CSMD1: variants seen among roughly 807,000 people sequenced by gnomAD.
The protein encoded by CSMD1 is CUB and Sushi multiple domains 1.
CSMD1 carries 213 observed loss-of-function variants against 417.5 expected under a neutral mutation model. That is an observed-to-expected ratio of 0.51 (90% CI 0.46 to 0.57). The LOEUF is 0.57. Ranked by LOEUF, CSMD1 falls within the 20% of genes least tolerant of loss-of-function variation. The probability of loss-of-function intolerance (pLI) is 0.00; values close to 1 mark genes in which losing one functional copy is unlikely to be tolerated. For synonymous variants in CSMD1, 2,862 were observed against 1,736.8 expected (o/e 1.65, Z -16.11); for missense variants, 6,923 against 4,529.7 (o/e 1.53, Z -15.17).
At chr8:3,170,743 A>G (rs1364834378) in intron 37 of CSMD1, among the ~76,000 whole-genome samples, 2 of 152,356 alleles carry the variant, frequency 1.3e-5, no homozygotes, top group East Asian at 1.9e-4. Context: ...TTCACACTTT[A>G]AAATAGTGAA....
chr8:3,142,542 C>T lies in CSMD1; in HGVS notation c.6164G>A (p.Ser2055Asn). The change falls in exon 41 of 70, where the codon AGC becomes AAC. Residue 2055 changes from serine to asparagine, a missense_variant. Transcript: ENST00000635120. ...GTGGATGAGGGTTTCATGCGTTGTG[C>T]TCAGCAGGGCCGCGGGGAGATCCGT... Reference protein sequence around the residue: ...SGTDLPAALLSTTHETLIHFY... With the variant: ...SGTDLPAALLNTTHETLIHFY... 6.2e-7 allele frequency: 1 copy of T among 1,613,952 alleles called. No homozygotes were observed. The highest frequency in any genetic ancestry group is 8.5e-7 in the Non-Finnish European group (1 of 1,179,898).
intron 3 of CSMD1, among the ~76,000 whole-genome samples, chr8:4,373,637 A>G (rs1802536017): frequency 6.6e-6 from 1 of 152,168 alleles, no homozygotes; most frequent in Non-Finnish European, 1.5e-5. Flanking sequence ...TTTCTTTTCT[A>G]AAAATATTAT....
At chr8:3,631,518 T>C (rs1302165910) in intron 7 of CSMD1, among the ~76,000 whole-genome samples, 1 of 152,128 alleles carries the variant, frequency 6.6e-6, no homozygotes, top group Non-Finnish European at 1.5e-5. Context: ...CTTAGGGGAT[T>C]CCAGATAGGA....
At chr8:4,922,066 C>T (rs920955286) in intron 1 of CSMD1, among the ~76,000 whole-genome samples, 1 of 152,180 alleles carries the variant, frequency 6.6e-6, no homozygotes, top group Non-Finnish European at 1.5e-5. Flanking sequence ...TTCACTTGTA[C>T]CCAGAGCACC....
At chr8:4,786,044 C>T (rs1051916392) in intron 1 of CSMD1, among the ~76,000 whole-genome samples, 4 of 152,142 alleles carry the variant, frequency 2.6e-5, no homozygotes, top group African/African-American at 7.2e-5. Flanking sequence ...GAATAGCCAA[C>T]ATTTGTACAT....
intron 2 of CSMD1, among the ~76,000 whole-genome samples, chr8:4,637,072 C>A (rs139208865): frequency 6.6e-6 from 1 of 152,110 alleles, no homozygotes; most frequent in Non-Finnish European, 1.5e-5. Flanking sequence ...AGCAGCCCAA[C>A]GGGTTGGTCT....
chr8:3,461,899 A>C (rs1816528907), intron 12 of CSMD1, among the ~76,000 whole-genome samples: 1 of 152,238 alleles, frequency 6.6e-6, no homozygotes, highest in South Asian at 2.1e-4. Flanking sequence ...CCTGCTGCAG[A>C]AGCCAACTAG....
chr8:4,771,082 T>C (rs1036658044), intron 1 of CSMD1, among the ~76,000 whole-genome samples: 2 of 152,192 alleles, frequency 1.3e-5, no homozygotes, highest in East Asian at 3.8e-4. Context: ...ATATTCAAGA[T>C]TTGTAAATAA....
intron 12 of CSMD1, among the ~76,000 whole-genome samples, chr8:3,426,752 T>G (rs1339198741): frequency 2.6e-5 from 4 of 152,238 alleles, no homozygotes; most frequent in Admixed American, 6.5e-5. Flanking sequence ...AGGCCTGACA[T>G]AAACTAATTG....
At chr8:3,010,174 G>A (rs1185962869) in intron 52 of CSMD1, among the ~76,000 whole-genome samples, 1 of 152,136 alleles carries the variant, frequency 6.6e-6, no homozygotes, top group African/African-American at 2.4e-5. Flanking sequence ...CATACAGGAG[G>A]CAAAGATCTC....
At chr8:4,314,735 T>G (rs1798822362) in intron 3 of CSMD1, among the ~76,000 whole-genome samples, 1 of 152,230 alleles carries the variant, frequency 6.6e-6, no homozygotes, top group Non-Finnish European at 1.5e-5. Context: ...TCCTGTTTTC[T>G]CATTTACACA....
intron 11 of CSMD1, among the ~76,000 whole-genome samples, chr8:3,482,807 G>C (rs527335835): frequency 6.6e-6 from 1 of 152,140 alleles, no homozygotes; most frequent in South Asian, 2.1e-4. Flanking sequence ...AATCAAACTA[G>C]AAATCAGTTA....
chr8:4,232,815 T>G (rs1473105249), intron 3 of CSMD1, among the ~76,000 whole-genome samples: 1 of 152,192 alleles, frequency 6.6e-6, no homozygotes, highest in Non-Finnish European at 1.5e-5. Context: ...CCTCGAAATC[T>G]AAAAGACAAA....
chr8:3,888,412 C>CT (rs1190625462), intron 5 of CSMD1, among the ~76,000 whole-genome samples: 2 of 152,088 alleles, frequency 1.3e-5, no homozygotes, highest in East Asian at 1.9e-4. Context: ...ATACGGAAAC[C>CT]TTTTTTTACC....
At position 3,284,153 on chromosome 8, in the gene CSMD1, G is replaced by A. The variant is rs1287986850; in HGVS notation, c.4144C>T (p.Gln1382Ter). 1.3e-6 allele frequency: 2 copies of A among 1,564,818 alleles called. No individual in the cohort carries two copies. Among genetic ancestry groups the A allele is most frequent in the Non-Finnish European group, 1.7e-6 (2 of 1,154,876 alleles). The stretch of plus-strand genomic sequence containing the variant: ...ACGCTGTGCCACCTACTGGAGAACT[G>A]GATGGAGAAGCCAGACTTGCTGATG... ...FFISKSGFSI[Q>*]FSTSIAATCN... The change falls in exon 26 of 70, where the codon CAG (glutamine) becomes TAG (stop). Residue 1382 changes from glutamine to a stop codon, truncating the protein, a stop_gained. Transcript: ENST00000635120. LOFTEE classifies it high-confidence loss of function.
At chr8:4,522,781 C>G (rs1014050989) in intron 2 of CSMD1, among the ~76,000 whole-genome samples, 4 of 152,158 alleles carry the variant, frequency 2.6e-5, no homozygotes, top group Admixed American at 6.5e-5. Flanking sequence ...GTCCTGGTAG[C>G]AGTGATGTGG....
chr8:3,288,925 A>G (rs1279119879), intron 25 of CSMD1, among the ~76,000 whole-genome samples: 4 of 147,090 alleles, frequency 2.7e-5, no homozygotes, highest in Admixed American at 6.7e-5. Context: ...TGCTACACCC[A>G]TTAACTCATC....
At chr8:3,792,356 T>C (rs1051447673) in intron 5 of CSMD1, among the ~76,000 whole-genome samples, 1 of 152,192 alleles carries the variant, frequency 6.6e-6, no homozygotes, top group Non-Finnish European at 1.5e-5. Context: ...CACCCACATG[T>C]ACATTATGAT....
At chr8:3,954,116 G>A (rs1811765656) in intron 5 of CSMD1, among the ~76,000 whole-genome samples, 1 of 152,180 alleles carries the variant, frequency 6.6e-6, no homozygotes, top group African/African-American at 2.4e-5. Context: ...GCCAGTGGGA[G>A]AGATCCCAGT....
Sources: allele counts gnomAD v4.1 joint callset (sites outside exome capture counted in the v4.1 genomes callset), GRCh38; gene constraint gnomAD v4.1.1; transcripts MANE v1.5; gene names NCBI Gene and HGNC (gene_info 2026-07-23, HGNC 2026-07-21).